Variants in ABCC8 observed in about 807,000 individuals in gnomAD.
ABCC8 encodes the protein ATP-binding cassette sub-family C member 8.
A neutral mutation model predicts 188.0 loss-of-function variants in ABCC8; 137 were observed. The ratio of observed to expected loss-of-function variants is 0.73; its 90% CI spans 0.63 to 0.84. The LOEUF (loss-of-function observed/expected upper bound fraction) is 0.84, where lower values mean the gene tolerates loss of function less well. Among genes scored for constraint, ABCC8 ranks in the 40% least tolerant of loss-of-function variants. The pLI, the probability that ABCC8 is intolerant of heterozygous loss-of-function variation, is 0.00. For missense variants in ABCC8, 1,750 were observed against 2,072.7 expected (o/e 0.84, Z 3.02); for synonymous variants, 797 against 846.5 (o/e 0.94, Z 1.01).
At chr11:17,451,804 T>A (rs1956825925) in intron 7 of ABCC8, among the ~76,000 whole-genome samples, 1 of 152,244 alleles carries the variant, frequency 6.6e-6, no homozygotes, top group Non-Finnish European at 1.5e-5. Flanking sequence ...CTAGACTCTC[T>A]AGATACGGCC....
chr11:17,467,109 A>G (rs1256119198), intron 3 of ABCC8, among the ~76,000 whole-genome samples: 1 of 142,862 alleles, frequency 7.0e-6, no homozygotes, highest in African/African-American at 2.6e-5. Context: ...TGTTGGGATA[A>G]AGGCAAACAT....
intron 6 of ABCC8, among the ~76,000 whole-genome samples, chr11:17,459,845 C>T (rs1263060769): frequency 6.6e-6 from 1 of 152,216 alleles, no homozygotes; most frequent in Non-Finnish European, 1.5e-5. Flanking sequence ...TTTGCAGAAT[C>T]GTTACAACTG....
chr11:17,410,142 G>C (rs1954739077), intron 22 of ABCC8: 1 of 198,328 alleles, frequency 5.0e-6, no homozygotes, highest in Non-Finnish European at 1.0e-5. Flanking sequence ...GAAGGTCATA[G>C]GGTGGGAAGA....
chr11:17,437,537 G>C lies in ABCC8; in HGVS notation c.1630+5183C>G, dbSNP rs73423073. Among the ~76,000 whole-genome samples, 734 of 152,362 alleles carry C rather than the reference G, an allele frequency of 4.8e-3. 10 individuals carry two copies. Among genetic ancestry groups the C allele is most frequent in the African/African-American group, 0.017 (690 of 41,572 alleles). ...ATTGCAAGATGCATCTGCAGGAGGGGAAGTGCATTTTGAGGTGCACGGGGC... is the reference window on the plus strand; with the variant it reads ...ATTGCAAGATGCATCTGCAGGAGGGCAAGTGCATTTTGAGGTGCACGGGGC... On this transcript the variant is annotated intron_variant, in intron 10 of 38. Transcript: ENST00000389817.
Position 17,397,679 on chromosome 11 carries a change from C to A in ABCC8, c.3867+5G>T. 6.2e-7 allele frequency: 1 copy of A among 1,611,584 alleles called. No individual in the cohort carries two copies. The highest frequency in any genetic ancestry group is 8.5e-7 in the Non-Finnish European group (1 of 1,179,938). On this transcript the variant is annotated splice_donor_5th_base_variant and intron_variant, in intron 31 of 38. Transcript: ENST00000389817. Reference sequence around the variant, plus strand: ...CCTCCTCTGCCCTAGCCCACTGCCGCTCACCATTAGGGCGTAGGTAAGGCC... The same window carrying A: ...CCTCCTCTGCCCTAGCCCACTGCCGATCACCATTAGGGCGTAGGTAAGGCC...
intron 29 of ABCC8, among the ~76,000 whole-genome samples, chr11:17,399,275 CAAAAAAAAAAAAA>C (rs57138230): frequency 3.4e-5 from 2 of 58,546 alleles, no homozygotes; most frequent in Non-Finnish European, 5.7e-5. Context: ...GACTCTGCCT[CAAAAAAAAAAAAA>C]AAAAAAAAAA....
At chr11:17,400,294 AGAGT>A (rs1264201684) in intron 29 of ABCC8, among the ~76,000 whole-genome samples, 1 of 152,136 alleles carries the variant, frequency 6.6e-6, no homozygotes, top group African/African-American at 2.4e-5. Flanking sequence ...CCTGAAGGGT[AGAGT>A]AAGTGCGTGT....
chr11:17,420,457 T>C (rs569351231), intron 16 of ABCC8, among the ~76,000 whole-genome samples: 2 of 152,188 alleles, frequency 1.3e-5, no homozygotes, highest in African/African-American at 4.8e-5. Context: ...GTCTGTCAGC[T>C]GTCTCACCAC....
chr11:17,464,656 C>T (rs1848035439), intron 3 of ABCC8, among the ~76,000 whole-genome samples: 2 of 152,200 alleles, frequency 1.3e-5, no homozygotes, highest in East Asian at 1.9e-4. Context: ...GGAAGGTAAA[C>T]CTCAGAAGCT....
intron 19 of ABCC8, 120 bp downstream of exon 19, chr11:17,414,392 A>G: frequency 7.1e-7 from 1 of 1,409,568 alleles, no homozygotes; most frequent in Non-Finnish European, 1.0e-6. Context: ...AGTGCAGGTA[A>G]GCACCTGGGG....
intron 8 of ABCC8, chr11:17,444,376 T>C (rs1956442135): frequency 6.6e-6 from 1 of 152,180 alleles, no homozygotes; most frequent in Admixed American, 6.6e-5. Context: ...GCCATCAGGG[T>C]GTTCTTCAGC....
intron 8 of ABCC8, 95 bp downstream of exon 8, chr11:17,448,421 G>C: frequency 9.0e-7 from 1 of 1,112,300 alleles, no homozygotes; most frequent in Non-Finnish European, 1.4e-6. Context: ...AGCATGGAGT[G>C]GAAGACGGTG....
intron 11 of ABCC8, among the ~76,000 whole-genome samples, chr11:17,431,723 T>C (rs965359320): frequency 2.0e-5 from 3 of 152,246 alleles, no homozygotes; most frequent in African/African-American, 4.8e-5. Flanking sequence ...GTGTGGCATA[T>C]TCCTAAATTT....
chr11:17,470,714 G>T (rs1255499828), intron 2 of ABCC8, among the ~76,000 whole-genome samples: 1 of 152,168 alleles, frequency 6.6e-6, no homozygotes, highest in Non-Finnish European at 1.5e-5. Flanking sequence ...CATTTTATGG[G>T]GTGAGGAAAC....
At chr11:17,396,890 G>A (rs928591695) in intron 33 of ABCC8, 26 bp downstream of exon 33, 4 of 1,612,754 alleles carry the variant, frequency 2.5e-6, no homozygotes, top group Non-Finnish European at 3.4e-6. Context: ...CTGTCCTGCA[G>A]CATTGGGTTG....
At chr11:17,411,601 C>T (rs1954807945) in intron 21 of ABCC8, among the ~76,000 whole-genome samples, 1 of 152,170 alleles carries the variant, frequency 6.6e-6, no homozygotes, top group Non-Finnish European at 1.5e-5. Context: ...AATGGCCTCC[C>T]TCTTTCCTTC....
At chr11:17,445,235 C>G (rs1956477946) in intron 8 of ABCC8, among the ~76,000 whole-genome samples, 1 of 152,182 alleles carries the variant, frequency 6.6e-6, no homozygotes, top group Non-Finnish European at 1.5e-5. Flanking sequence ...AATTATAGCC[C>G]AAATGTTTGA....
At position 17,450,281 on chromosome 11, in the gene ABCC8, T is replaced by C. The variant is rs1024828359; in HGVS notation, c.1177-1610A>G. Among the ~76,000 whole-genome samples, 249 of 135,834 alleles carry C rather than the reference T, an allele frequency of 1.8e-3. 6 individuals carry two copies. Among genetic ancestry groups the C allele is most frequent in the Admixed American group, 0.017 (231 of 13,988 alleles). The allele number at this position is 135,834 out of a possible 152,430, so 89.1% of individuals were successfully genotyped here. ...CTTTCTCTTTCTTTCTTTCTTTCTT[T>C]CTTTCTTTCTTTCTTTCTTTCTTTC... On this transcript the variant is annotated intron_variant, in intron 7 of 38. Transcript: ENST00000389817.
Position 17,448,839 on chromosome 11 carries a change from T to C in ABCC8, c.1177-168A>G, listed in dbSNP as rs77466400. 17,316 of 442,738 alleles carry C rather than the reference T, an allele frequency of 0.039. 406 individuals carry two copies. The highest frequency in any genetic ancestry group is 0.076 in the South Asian group (787 of 10,384). 27.4% of individuals were successfully genotyped at this position (442,738 alleles called of 1,614,324 possible). ...TCACCGTTCCAACTTACTAGTCTAC[T>C]CCAGCACAGCAAGCTACTTCTCCAG... is the stretch of plus-strand genomic sequence containing the variant. On this transcript the variant is annotated intron_variant, in intron 7 of 38. Coordinates refer to ENST00000389817, the MANE Select transcript of ABCC8 (RefSeq NM_000352.6).
Sources: allele counts gnomAD v4.1 joint callset (sites outside exome capture counted in the v4.1 genomes callset), GRCh38; gene constraint gnomAD v4.1.1; transcripts MANE v1.5; gene names NCBI Gene and HGNC (gene_info 2026-07-23, HGNC 2026-07-21).